ZNHIT6: variants seen among roughly 807,000 people sequenced by gnomAD.
ZNHIT6 encodes the protein box C/D snoRNA protein 1.
ZNHIT6 carries 45 observed loss-of-function variants against 57.2 expected under a neutral mutation model. The ratio of observed to expected loss-of-function variants is 0.79; its 90% CI spans 0.62 to 1.01. The LOEUF (loss-of-function observed/expected upper bound fraction) is 1.01. Ranked by LOEUF, ZNHIT6 falls within the 50% of genes least tolerant of loss-of-function variation. The probability of loss-of-function intolerance (pLI) is 0.00; values close to 1 mark genes in which losing one functional copy is unlikely to be tolerated. For synonymous variants in ZNHIT6, 188 were observed against 190.0 expected (o/e 0.99, Z 0.09); for missense variants, 528 against 567.3 (o/e 0.93, Z 0.70).
chr1:85,693,682 C>A (rs986347125), intron 5 of ZNHIT6, among the ~76,000 whole-genome samples: 10 of 152,122 alleles, frequency 6.6e-5, no homozygotes, highest in Non-Finnish European at 1.5e-4. Flanking sequence ...TCAAAGCAAT[C>A]AGAAGAGAAA....
At chr1:85,670,506 T>G (rs572978240) in intron 8 of ZNHIT6, among the ~76,000 whole-genome samples, 1 of 152,184 alleles carries the variant, frequency 6.6e-6, no homozygotes, top group Non-Finnish European at 1.5e-5. Flanking sequence ...GAACACTTAC[T>G]GTGGAAAAGT....
At chr1:85,679,836 C>T (rs553775645) in intron 6 of ZNHIT6, among the ~76,000 whole-genome samples, 9 of 152,224 alleles carry the variant, frequency 5.9e-5, no homozygotes, top group East Asian at 1.9e-4. Context: ...CCATCCGCCT[C>T]GACCTCCCAA....
Position 85,673,529 on chromosome 1 carries a change from G to A in ZNHIT6, c.1247+3707C>T, listed in dbSNP as rs17128078. Among the ~76,000 whole-genome samples the A allele has an allele frequency of 9.4e-3, 1,431 of 152,192 alleles. 58 individuals carry two copies. The highest frequency in any genetic ancestry group is 0.063 in the Admixed American group (959 of 15,274). On this transcript the variant is annotated intron_variant, in intron 8 of 9. Coordinates refer to ENST00000370574, the MANE Select transcript of ZNHIT6 (RefSeq NM_017953.4). ...ATGGAAAGTAAAACCAATGGAAACT[G>A]GCAACATCAAGTATTTGGTAAAAAG...
chr1:85,697,745 C>T (rs1357775789), intron 5 of ZNHIT6, among the ~76,000 whole-genome samples: 2 of 152,094 alleles, frequency 1.3e-5, no homozygotes, highest in African/African-American at 4.8e-5. Flanking sequence ...CAAACAAAAT[C>T]CCATTGATAT....
intron 5 of ZNHIT6, among the ~76,000 whole-genome samples, chr1:85,684,041 C>G (rs1284235771): frequency 6.6e-6 from 1 of 152,182 alleles, no homozygotes; most frequent in Non-Finnish European, 1.5e-5. Context: ...TTTACAATTA[C>G]TCCTAATGCA....
At chr1:85,665,474 A>G (rs1455828908) in intron 8 of ZNHIT6, among the ~76,000 whole-genome samples, 1 of 152,064 alleles carries the variant, frequency 6.6e-6, no homozygotes, top group Non-Finnish European at 1.5e-5. Context: ...TAATATCATA[A>G]TCAAGCTAAT....
Position 85,706,202 on chromosome 1 carries a change from T to C in ZNHIT6, c.830-39A>G, listed in dbSNP as rs17128109. 8.3e-3 allele frequency: 13,444 copies of C among 1,610,730 alleles called. 636 individuals are homozygous for C. The Admixed American group carries it at 0.11, about 13-fold the overall frequency. On this transcript the variant is annotated intron_variant, in intron 3 of 9. Transcript: ENST00000370574. ...AACAGAAGAATAAACAAGTGACATA[T>C]ACCAATGGCCAGGAAGCCTCAATTT... is the stretch of plus-strand genomic sequence containing the variant.
chr1:85,676,937 C>T (rs140091645), intron 8 of ZNHIT6, among the ~76,000 whole-genome samples: 4 of 152,212 alleles, frequency 2.6e-5, no homozygotes, highest in African/African-American at 9.6e-5. Context: ...GTAAAGAATG[C>T]AATACCTGTA....
intron 9 of ZNHIT6, 81 bp downstream of exon 9, chr1:85,657,766 A>T: frequency 7.4e-7 from 1 of 1,356,374 alleles, no homozygotes; most frequent in South Asian, 1.3e-5. Context: ...GAAAACACAT[A>T]TAAAGAAATA....
chr1:85,667,122 G>A (rs1040690156), intron 8 of ZNHIT6, among the ~76,000 whole-genome samples: 1 of 152,140 alleles, frequency 6.6e-6, no homozygotes, highest in Non-Finnish European at 1.5e-5. Flanking sequence ...ATATTGCAAA[G>A]AACATACTAA....
At position 85,654,018 on chromosome 1, in the gene ZNHIT6, T is replaced by C. The variant is rs1442199255; in HGVS notation, c.*40A>G. ...CCCATCAATGCAGAGTCTGCTGCAGTTGTCTGGAAGTTTTCACTTTCTTCT... is the reference window on the plus strand; with the variant it reads ...CCCATCAATGCAGAGTCTGCTGCAGCTGTCTGGAAGTTTTCACTTTCTTCT... On this transcript the variant is annotated 3_prime_UTR_variant, in exon 10 of 10. Coordinates refer to ENST00000370574, the MANE Select transcript of ZNHIT6 (RefSeq NM_017953.4). 3.8e-6 allele frequency: 6 copies of C among 1,594,102 alleles called. No homozygotes were observed. The highest frequency in any genetic ancestry group is 1.1e-5 in the South Asian group (1 of 89,586).
intron 5 of ZNHIT6, among the ~76,000 whole-genome samples, chr1:85,694,996 G>C (rs1662324568): frequency 6.6e-6 from 1 of 152,096 alleles, no homozygotes; most frequent in Non-Finnish European, 1.5e-5. Context: ...GGGCACAGTG[G>C]CGCACATCTG....
In ZNHIT6 at chr1:85,694,163, A is replaced by G. The variant is rs141742786; in HGVS notation, c.1019+7994T>C. On this transcript the variant is annotated intron_variant, in intron 5 of 9. Transcript: ENST00000370574. ...CACAGGCACTGGATTATACAGGTGC[A>G]TGTATTTGTCAAAACTCAGCAAATG... Among the ~76,000 whole-genome samples the G allele has an allele frequency of 9.9e-5, 15 of 152,280 alleles. 1 individual carries two copies. The East Asian group carries it at 2.9e-3, about 29-fold the overall frequency.
At chr1:85,696,176 T>C (rs1356567653) in intron 5 of ZNHIT6, among the ~76,000 whole-genome samples, 2 of 51,408 alleles carry the variant, frequency 3.9e-5, no homozygotes, top group Admixed American at 2.1e-4. Context: ...ATTAACTGCA[T>C]TTTTTTTTTT....
At chr1:85,676,580 T>C (rs1661710506) in intron 8 of ZNHIT6, among the ~76,000 whole-genome samples, 1 of 152,150 alleles carries the variant, frequency 6.6e-6, no homozygotes, top group East Asian at 1.9e-4. Context: ...TCACAGGCCA[T>C]TGTGTGGTTA....
chr1:85,655,810 C>T (rs986070770), intron 9 of ZNHIT6, among the ~76,000 whole-genome samples: 6 of 152,142 alleles, frequency 3.9e-5, no homozygotes, highest in African/African-American at 1.4e-4. Context: ...TAACCTTTTC[C>T]ATTACTGAAA....
intron 5 of ZNHIT6, among the ~76,000 whole-genome samples, chr1:85,697,534 C>G (rs1662411412): frequency 6.6e-6 from 1 of 152,130 alleles, no homozygotes; most frequent in Non-Finnish European, 1.5e-5. Context: ...TGATCATATA[C>G]CAGCAAACCA....
chr1:85,688,261 A>AG (rs1662121272), intron 5 of ZNHIT6, among the ~76,000 whole-genome samples: 1 of 152,190 alleles, frequency 6.6e-6, no homozygotes, highest in Non-Finnish European at 1.5e-5. Context: ...ACACTAAGGT[A>AG]GAGAAAAGAA....
At chr1:85,689,468 T>C (rs1038138397) in intron 5 of ZNHIT6, among the ~76,000 whole-genome samples, 1 of 152,204 alleles carries the variant, frequency 6.6e-6, no homozygotes, top group African/African-American at 2.4e-5. Flanking sequence ...ATGAAAACCA[T>C]AATTTTATGT....
Sources: allele counts gnomAD v4.1 joint callset (sites outside exome capture counted in the v4.1 genomes callset), GRCh38; gene constraint gnomAD v4.1.1; transcripts MANE v1.5; gene names NCBI Gene and HGNC (gene_info 2026-07-23, HGNC 2026-07-21).